The following PKD2 variants were observed in gnomAD, a reference collection of about 807,000 sequenced individuals.
PKD2 encodes the protein polycystin 2, transient receptor potential cation channel, also known as polycystin-2.
PKD2 carries 48 observed loss-of-function variants against 105.9 expected under a neutral mutation model. The ratio of observed to expected loss-of-function variants is 0.45; its 90% CI spans 0.36 to 0.58. The LOEUF (loss-of-function observed/expected upper bound fraction) is 0.58. Among genes scored for constraint, PKD2 ranks in the 20% least tolerant of loss-of-function variants. The pLI, the probability that PKD2 is intolerant of heterozygous loss-of-function variation, is 0.00. For missense variants in PKD2, 1,078 were observed against 1,255.3 expected, an observed-to-expected ratio of 0.86 and a Z score of 2.13; for synonymous variants, 464 against 481.1, an observed-to-expected ratio of 0.96 and a Z score of 0.46.
Position 88,074,816 on chromosome 4 carries a change from G to A in PKD2, c.2527G>A (p.Val843Met). Residue 843 changes from valine to methionine, a missense_variant, in exon 14 of 15, where the codon GTG (valine) becomes ATG (methionine). Transcript: ENST00000237596. ...GVSYEEFQVL[V>M]RRVDRMEHSI... ...TGTACTGTGTTTTCCTTGCAGCCTG[G>A]TGAGACGAGTGGACCGGATGGAGCA... The A allele has an allele frequency of 1.2e-6, 2 of 1,614,062 alleles. No homozygotes were observed. Among genetic ancestry groups the A allele is most frequent in the Non-Finnish European group, 1.7e-6 (2 of 1,179,938 alleles).
At chr4:88,031,441 A>G (rs1376839406) in intron 2 of PKD2, among the ~76,000 whole-genome samples, 2 of 152,202 alleles carry the variant, frequency 1.3e-5, no homozygotes, top group East Asian at 3.8e-4. Flanking sequence ...ACCATAAGTT[A>G]TACAGCTAAC....
intron 2 of PKD2, among the ~76,000 whole-genome samples, chr4:88,021,191 T>C (rs963318323): frequency 6.6e-6 from 1 of 152,204 alleles, no homozygotes; most frequent in African/African-American, 2.4e-5. Context: ...TACGTAAGTC[T>C]AGAATTTCAG....
chr4:88,064,592 T>G (rs916708505), intron 10 of PKD2, among the ~76,000 whole-genome samples: 5 of 152,126 alleles, frequency 3.3e-5, no homozygotes, highest in African/African-American at 1.2e-4. Context: ...GGTCTAAAGT[T>G]CGCTAATGAA....
intron 13 of PKD2, among the ~76,000 whole-genome samples, chr4:88,073,172 G>A (rs1455857328): frequency 4.8e-5 from 7 of 145,538 alleles, no homozygotes; most frequent in Non-Finnish European, 1.0e-4. Flanking sequence ...GTAACATAGC[G>A]AGACTTTGTC....
chr4:88,066,019 G>GT (rs1720780289), intron 12 of PKD2, 140 bp downstream of exon 12: 6 of 700,194 alleles, frequency 8.6e-6, no homozygotes. Flanking sequence ...CGGTTTATGT[G>GT]TTAGTACCCT....
chr4:88,007,895 C>T lies in PKD2; in HGVS notation c.162C>T (p.Ile54=). Residue 54 remains isoleucine, a synonymous_variant, in exon 1 of 15, where the codon ATC becomes ATT. Transcript: ENST00000237596. ...GGLCEQRGLE[I]EMQRIRQAAA... ...TCTGCGAGCAGCGGGGCCTGGAGAT[C>T]GAGATGCAGCGCATCCGGCAGGCGG... 7.2e-7 allele frequency: 1 copy of T among 1,398,220 alleles called. No homozygotes were observed. The highest frequency in any genetic ancestry group is 9.4e-7 in the Non-Finnish European group (1 of 1,069,204). 86.6% of individuals were successfully genotyped at this position (1,398,220 alleles called of 1,614,324 possible).
intron 2 of PKD2, among the ~76,000 whole-genome samples, chr4:88,020,657 A>G (rs1726715487): frequency 6.6e-6 from 1 of 150,630 alleles, no homozygotes; most frequent in Non-Finnish European, 1.5e-5. Flanking sequence ...AGAGCCTCCT[A>G]CCAAACTCCT....
chr4:88,050,666 A>G (rs1239001102), intron 6 of PKD2, among the ~76,000 whole-genome samples: 1 of 152,188 alleles, frequency 6.6e-6, no homozygotes, highest in Non-Finnish European at 1.5e-5. Flanking sequence ...GATCCAGTCC[A>G]CCAACCCAAA....
chr4:88,036,895 T>A (rs1727353050), intron 3 of PKD2, among the ~76,000 whole-genome samples: 1 of 152,232 alleles, frequency 6.6e-6, no homozygotes, highest in South Asian at 2.1e-4. Flanking sequence ...TCCCCAGCTC[T>A]TAGAACAGTG....
chr4:88,056,687 C>T (rs1411290830), intron 8 of PKD2, among the ~76,000 whole-genome samples: 1 of 152,016 alleles, frequency 6.6e-6, no homozygotes, highest in Non-Finnish European at 1.5e-5. Context: ...TAAACTCAGA[C>T]CAGTACAAGA....
intron 13 of PKD2, among the ~76,000 whole-genome samples, chr4:88,069,870 T>C (rs949647011): frequency 1.4e-4 from 21 of 152,208 alleles, no homozygotes; most frequent in African/African-American, 4.6e-4. Context: ...TTGTCAAATA[T>C]ATTACATTTC....
intron 9 of PKD2, among the ~76,000 whole-genome samples, chr4:88,058,493 A>T (rs569825758): frequency 6.6e-6 from 1 of 152,168 alleles, no homozygotes; most frequent in Non-Finnish European, 1.5e-5. Context: ...TTTTAAACTC[A>T]TATGTCAGCA....
intron 2 of PKD2, among the ~76,000 whole-genome samples, chr4:88,019,894 T>A (rs1358251124): frequency 3.9e-5 from 6 of 152,242 alleles, no homozygotes; most frequent in Admixed American, 3.9e-4. Context: ...GACCAAATGC[T>A]AAGTGACTGT....
chr4:88,075,766 CTATT>C lies in PKD2; in HGVS notation c.*76_*79del. 1 of 1,012,738 alleles carries C rather than the reference CTATT, an allele frequency of 9.9e-7. No homozygotes were observed. The highest frequency in any genetic ancestry group is 1.6e-6 in the Non-Finnish European group (1 of 642,664). 62.7% of individuals were successfully genotyped at this position (1,012,738 alleles called of 1,614,324 possible). ...GTCCTGAATTGCTGTAACAAGCACA[CTATT>C]TATATGCCCTGACCACCATAGGATG... On this transcript the variant is annotated 3_prime_UTR_variant, in exon 15 of 15. Transcript: ENST00000237596.
chr4:88,073,369 T>C (rs901004701), intron 13 of PKD2, among the ~76,000 whole-genome samples: 6 of 149,970 alleles, frequency 4.0e-5, no homozygotes, highest in Non-Finnish European at 8.9e-5. Context: ...TACTAAAAAA[T>C]AGAAAAATTA....
intron 1 of PKD2, among the ~76,000 whole-genome samples, chr4:88,011,776 G>A (rs1201011371): frequency 1.3e-5 from 2 of 151,528 alleles, no homozygotes; most frequent in East Asian, 3.9e-4. Flanking sequence ...ACCGCTCTTA[G>A]TTGCTGTTCA....
At chr4:88,073,622 G>A (rs1721121969) in intron 13 of PKD2, among the ~76,000 whole-genome samples, 1 of 152,144 alleles carries the variant, frequency 6.6e-6, no homozygotes, top group Non-Finnish European at 1.5e-5. Flanking sequence ...GTTGGGGGAG[G>A]AGGGAGCCCT....
rs377463048 is a variant in PKD2, at chr4:88,074,900, G to A, written c.2611G>A (p.Glu871Lys). ...CGTGATCGTGAAGCTAGAGATTATGGAGCGAGCCAAACTGAAGAGGAGGGA... is the reference window on the plus strand; with the variant it reads ...CGTGATCGTGAAGCTAGAGATTATGAAGCGAGCCAAACTGAAGAGGAGGGA... ...DAVIVKLEIM[E>K]RAKLKRREVL... Residue 871 changes from glutamate (E) to lysine (K), a missense_variant, in exon 14 of 15, where the codon GAG (glutamate) becomes AAG (lysine). This residue lies in a region of PKD2 where 868 missense variants were observed against 1,067.3 expected (regional missense o/e 0.81). Coordinates refer to ENST00000237596, the MANE Select transcript of PKD2 (RefSeq NM_000297.4). The A allele has an allele frequency of 2.5e-6, 4 of 1,614,180 alleles. No homozygotes were observed. Among genetic ancestry groups the A allele is most frequent in the Non-Finnish European group, 3.4e-6 (4 of 1,180,026 alleles).
rs919947375 is a variant in PKD2, at chr4:88,026,867, C to T, written c.709+7296C>T. Among the ~76,000 whole-genome samples the T allele has an allele frequency of 5.9e-5, 9 of 152,216 alleles. No individual in the cohort carries two copies. The South Asian group carries it at 1.9e-3, about 31-fold the overall frequency. On this transcript the variant is annotated intron_variant, in intron 2 of 14. Coordinates refer to ENST00000237596, the MANE Select transcript of PKD2 (RefSeq NM_000297.4). ...GAGCCAAGGTACAGCTGGACCATTGCTTCAGAGGGTACAAATCCCAAGCAT... is the reference window on the plus strand; with the variant it reads ...GAGCCAAGGTACAGCTGGACCATTGTTTCAGAGGGTACAAATCCCAAGCAT...
Sources: allele counts gnomAD v4.1 joint callset (sites outside exome capture counted in the v4.1 genomes callset), GRCh38; gene constraint gnomAD v4.1.1; regional missense constraint gnomAD v4.1.1; transcripts MANE v1.5; gene names NCBI Gene and HGNC (gene_info 2026-07-23, HGNC 2026-07-21).